The following CDH13 variants were observed in gnomAD, a reference collection of about 807,000 sequenced individuals.
CDH13 encodes cadherin-13.
A neutral mutation model predicts 63.8 loss-of-function variants in CDH13; 24 were observed. The observed-to-expected ratio is 0.38, with a 90% CI of 0.27 to 0.53. The LOEUF is 0.53. CDH13 is among the 20% of genes least tolerant of loss of function. CDH13 has a pLI of 0.85. For synonymous variants in CDH13, 503 were observed against 355.3 expected (o/e 1.42, Z -4.67); for missense variants, 1,049 against 903.1 (o/e 1.16, Z -2.07).
chr16:82,666,699 A>T (rs769440265), intron 1 of CDH13, among the ~76,000 whole-genome samples: 2 of 152,240 alleles, frequency 1.3e-5, no homozygotes, highest in African/African-American at 4.8e-5. Flanking sequence ...TTTGTGGTGC[A>T]TATCACAATG....
intron 1 of CDH13, among the ~76,000 whole-genome samples, chr16:82,744,674 C>A (rs1482230295): frequency 6.6e-6 from 1 of 152,088 alleles, no homozygotes; most frequent in Non-Finnish European, 1.5e-5. Context: ...CACAGCTAAG[C>A]TGTGACTTTT....
intron 1 of CDH13, among the ~76,000 whole-genome samples, chr16:82,846,652 A>G (rs769064337): frequency 6.6e-6 from 1 of 152,256 alleles, no homozygotes; most frequent in Non-Finnish European, 1.5e-5. Flanking sequence ...CTCAATGTAT[A>G]GTCACATAGG....
chr16:82,663,711 C>A (rs892772086), intron 1 of CDH13, among the ~76,000 whole-genome samples: 9 of 152,180 alleles, frequency 5.9e-5, no homozygotes, highest in Admixed American at 2.0e-4. Context: ...TCCTGTTGAT[C>A]TGGTTGTCTG....
intron 5 of CDH13, among the ~76,000 whole-genome samples, chr16:83,263,621 G>C (rs1907241745): frequency 6.6e-6 from 1 of 152,180 alleles, no homozygotes; most frequent in South Asian, 2.1e-4. Flanking sequence ...GATGTGGTTT[G>C]GCCAATGTAG....
intron 7 of CDH13, among the ~76,000 whole-genome samples, chr16:83,555,054 AG>A (rs2075576445): frequency 6.6e-6 from 1 of 152,076 alleles, no homozygotes; most frequent in African/African-American, 2.4e-5. Context: ...TGAGTGAAAA[AG>A]CAAGTCAACA....
chr16:82,790,602 C>A (rs187660752), intron 1 of CDH13, among the ~76,000 whole-genome samples: 2 of 152,180 alleles, frequency 1.3e-5, no homozygotes, highest in South Asian at 2.1e-4. Flanking sequence ...TCCCTTCTCA[C>A]GTTGCTTTAA....
At position 83,741,209 on chromosome 16, in the gene CDH13, A is replaced by G. The variant is rs573112153; in HGVS notation, c.1539-6899A>G. On this transcript the variant is annotated intron_variant, in intron 10 of 13. Transcript: ENST00000567109. ...TGCCCTTTACTTTACACTCAGGGCC[A>G]TAGCTACATGAGCTATTTTAAGATA... Among the ~76,000 whole-genome samples the G allele has an allele frequency of 1.8e-4, 28 of 152,332 alleles. 1 individual carries two copies. Among genetic ancestry groups the G allele is most frequent in the African/African-American group, 6.3e-4 (26 of 41,584 alleles).
chr16:83,774,173 C>A (rs1176515652), intron 11 of CDH13, among the ~76,000 whole-genome samples: 2 of 152,166 alleles, frequency 1.3e-5, no homozygotes, highest in Admixed American at 1.3e-4. Flanking sequence ...TACCAGCAAG[C>A]CTAGGACATT....
chr16:83,319,394 T>G (rs546382584), intron 5 of CDH13, among the ~76,000 whole-genome samples: 1 of 152,332 alleles, frequency 6.6e-6, no homozygotes, highest in South Asian at 2.1e-4. Flanking sequence ...CTAGATGTCA[T>G]CAAAGCCAGA....
intron 1 of CDH13, among the ~76,000 whole-genome samples, chr16:82,689,198 G>A (rs1036691835): frequency 2.0e-5 from 3 of 148,318 alleles, no homozygotes; most frequent in African/African-American, 7.5e-5. Context: ...AAACCAGCCT[G>A]TCAAACTGTG....
At chr16:82,729,421 C>T (rs529183705) in intron 1 of CDH13, among the ~76,000 whole-genome samples, 10 of 152,196 alleles carry the variant, frequency 6.6e-5, no homozygotes, top group African/African-American at 1.4e-4. Context: ...AAACTAGTCT[C>T]GTACATCTCT....
intron 7 of CDH13, among the ~76,000 whole-genome samples, chr16:83,528,060 AG>A (rs1355910932): frequency 6.6e-6 from 1 of 152,204 alleles, no homozygotes; most frequent in Non-Finnish European, 1.5e-5. Flanking sequence ...ATGAGCCAGA[AG>A]TGGGCCCCCT....
intron 3 of CDH13, among the ~76,000 whole-genome samples, chr16:83,101,028 A>G (rs376574912): frequency 1.3e-5 from 2 of 152,286 alleles, no homozygotes; most frequent in East Asian, 1.9e-4. Flanking sequence ...AGTTCATGGT[A>G]AAGGACAAAA....
intron 7 of CDH13, among the ~76,000 whole-genome samples, chr16:83,523,396 C>T (rs751978529): frequency 1.3e-5 from 2 of 152,172 alleles, no homozygotes; most frequent in African/African-American, 2.4e-5. Flanking sequence ...CTCTTCAATC[C>T]TGATAGCTTT....
At chr16:83,011,544 C>T (rs917056581) in intron 2 of CDH13, among the ~76,000 whole-genome samples, 15 of 152,136 alleles carry the variant, frequency 9.9e-5, no homozygotes, top group Non-Finnish European at 1.9e-4. Flanking sequence ...AAGGCTGTCT[C>T]TTTCCCCATC....
At chr16:83,376,401 G>A (rs556666059) in intron 6 of CDH13, among the ~76,000 whole-genome samples, 24 of 152,270 alleles carry the variant, frequency 1.6e-4, no homozygotes, top group Admixed American at 1.0e-3. Context: ...AATGGTGGTC[G>A]CTTAAGGGAA....
intron 2 of CDH13, among the ~76,000 whole-genome samples, chr16:82,946,039 T>C (rs1288812548): frequency 1.3e-5 from 2 of 152,150 alleles, no homozygotes; most frequent in South Asian, 4.2e-4. Context: ...TGGCGTCTTA[T>C]AACTTTATAT....
At chr16:83,028,434 C>G (rs955295405) in intron 2 of CDH13, among the ~76,000 whole-genome samples, 1 of 152,088 alleles carries the variant, frequency 6.6e-6, no homozygotes, top group Non-Finnish European at 1.5e-5. Flanking sequence ...CTTTGCAGAG[C>G]GATCAAAAGG....
intron 6 of CDH13, among the ~76,000 whole-genome samples, chr16:83,419,511 T>C (rs2071651581): frequency 6.6e-6 from 1 of 152,216 alleles, no homozygotes; most frequent in Admixed American, 6.5e-5. Context: ...CCAAGTTCTA[T>C]AATGATAGCC....
Sources: gnomAD v4.1 joint callset for allele counts (sites outside exome capture counted in the v4.1 genomes callset) on GRCh38, gnomAD v4.1.1 for gene constraint, MANE v1.5 for transcripts, NCBI Gene and HGNC (gene_info 2026-07-23, HGNC 2026-07-21) for gene names.